The following MACROD1 variants were observed in gnomAD, a reference collection of about 807,000 sequenced individuals.
The protein encoded by MACROD1 is ADP-ribose glycohydrolase MACROD1.
MACROD1 carries 31 observed loss-of-function variants against 41.4 expected under a neutral mutation model. That is an observed-to-expected ratio of 0.75 (90% CI 0.56 to 1.01). The LOEUF (loss-of-function observed/expected upper bound fraction) is 1.01. Among genes scored for constraint, MACROD1 ranks in the 50% least tolerant of loss-of-function variants. The probability of loss-of-function intolerance (pLI) is 0.00; values close to 1 mark genes in which losing one functional copy is unlikely to be tolerated. For missense variants in MACROD1, 473 were observed against 460.0 expected (o/e 1.03, Z -0.26); for synonymous variants, 252 against 203.4 (o/e 1.24, Z -2.03).
intron 3 of MACROD1, chr11:64,117,187 C>T (rs1945002430): frequency 6.2e-7 from 1 of 1,614,084 alleles, no homozygotes; most frequent in Admixed American, 1.7e-5. Context: ...AACAACCTGA[C>T]CACGCTGCCC....
At chr11:64,015,523 G>A (rs1308192507) in intron 3 of MACROD1, among the ~76,000 whole-genome samples, 1 of 152,138 alleles carries the variant, frequency 6.6e-6, no homozygotes, top group African/African-American at 2.4e-5. Context: ...ATCAGGGCCT[G>A]CCTGCTCACC....
At chr11:64,138,676 A>G (rs1945366107) in intron 3 of MACROD1, 1 of 423,704 alleles carries the variant, frequency 2.4e-6, no homozygotes, top group Non-Finnish European at 3.2e-6. Flanking sequence ...CAATGTCCGA[A>G]GACAGGGAGG....
intron 3 of MACROD1, chr11:64,138,666 C>T: frequency 2.0e-6 from 1 of 504,120 alleles, no homozygotes. Context: ...ACCGCAATTA[C>T]AATGTCCGAA....
chr11:64,121,807 A>G (rs1945102708), intron 3 of MACROD1, among the ~76,000 whole-genome samples: 1 of 152,212 alleles, frequency 6.6e-6, no homozygotes. Flanking sequence ...CAGCGGCCCC[A>G]GCACTGATGA....
intron 3 of MACROD1, among the ~76,000 whole-genome samples, chr11:64,080,076 C>T (rs74727861): frequency 0.015 from 2,295 of 152,232 alleles, 48 homozygotes; most frequent in African/African-American, 0.051. Flanking sequence ...GCAATGGCAC[C>T]ATCCCTGTTC....
intron 3 of MACROD1, among the ~76,000 whole-genome samples, chr11:64,039,781 T>G (rs961519596): frequency 6.6e-6 from 1 of 152,106 alleles, no homozygotes; most frequent in Non-Finnish European, 1.5e-5. Flanking sequence ...GATGTCAGGG[T>G]TTGGGGGCCT....
At chr11:64,151,619 G>C (rs909541606) in intron 2 of MACROD1, among the ~76,000 whole-genome samples, 2 of 152,176 alleles carry the variant, frequency 1.3e-5, no homozygotes, top group African/African-American at 2.4e-5. Flanking sequence ...ATTTCACAGA[G>C]GTAGAAACTG....
At chr11:64,041,591 A>T (rs139699193) in intron 3 of MACROD1, among the ~76,000 whole-genome samples, 5 of 151,162 alleles carry the variant, frequency 3.3e-5, no homozygotes. Flanking sequence ...GAACAGATGA[A>T]TGAATGGAAA....
At chr11:64,159,773 A>G (rs1945726413) in intron 1 of MACROD1, among the ~76,000 whole-genome samples, 2 of 152,312 alleles carry the variant, frequency 1.3e-5, no homozygotes, top group Admixed American at 6.5e-5. Flanking sequence ...CAGCCTGGGC[A>G]ACAAGAGCGA....
intron 3 of MACROD1, among the ~76,000 whole-genome samples, chr11:64,072,328 G>C (rs1214830971): frequency 6.6e-6 from 1 of 152,186 alleles, no homozygotes; most frequent in African/African-American, 2.4e-5. Context: ...GCACCAGGGC[G>C]AGCCTTTGGG....
chr11:64,118,211 G>A (rs1369476273), intron 3 of MACROD1: 3 of 1,613,312 alleles, frequency 1.9e-6, no homozygotes, highest in Admixed American at 3.3e-5. Context: ...GCCTCTGCAA[G>A]GCCACACACA....
intron 3 of MACROD1, among the ~76,000 whole-genome samples, chr11:64,110,313 GGTGGTGCAGCAT>G (rs1037595151): frequency 3.3e-5 from 5 of 152,182 alleles, no homozygotes; most frequent in Admixed American, 3.3e-4. Flanking sequence ...AGCTGGGTGT[GGTGGTGCAGCAT>G]GTGGTCCCAG....
intron 3 of MACROD1, among the ~76,000 whole-genome samples, chr11:64,110,086 G>C (rs1373839778): frequency 1.3e-5 from 2 of 152,066 alleles, no homozygotes; most frequent in Non-Finnish European, 2.9e-5. Context: ...CCATGTAAGG[G>C]CCCCTATTAT....
intron 3 of MACROD1, among the ~76,000 whole-genome samples, chr11:64,042,769 C>T (rs1021883047): frequency 2.0e-5 from 3 of 152,160 alleles, no homozygotes; most frequent in Non-Finnish European, 4.4e-5. Context: ...CCACTAGGTC[C>T]CTAGTAGCTG....
intron 3 of MACROD1, among the ~76,000 whole-genome samples, chr11:64,086,413 C>T (rs1246265825): frequency 6.6e-6 from 1 of 152,024 alleles, no homozygotes; most frequent in Non-Finnish European, 1.5e-5. Flanking sequence ...AACATTCCCT[C>T]CCCACCCCCA....
At chr11:64,076,200 C>CCCCT (rs993892014) in intron 3 of MACROD1, among the ~76,000 whole-genome samples, 7 of 152,220 alleles carry the variant, frequency 4.6e-5, no homozygotes, top group Non-Finnish European at 1.5e-5. Context: ...TGTGCTCCTG[C>CCCCT]CCCTCCATCT....
chr11:64,088,427 T>A (rs2134514010), intron 3 of MACROD1, among the ~76,000 whole-genome samples: 1 of 152,258 alleles, frequency 6.6e-6, no homozygotes, highest in Non-Finnish European at 1.5e-5. Flanking sequence ...GCATCCTCCC[T>A]GTGAGCCCTG....
intron 3 of MACROD1, chr11:64,119,062 T>C (rs1396862999): frequency 6.0e-6 from 1 of 167,300 alleles, no homozygotes; most frequent in East Asian, 1.9e-4. Context: ...TGTCTATCCC[T>C]GTCGCGGTGT....
chr11:64,015,904 A>C (rs1049721333), intron 3 of MACROD1, among the ~76,000 whole-genome samples: 1 of 152,164 alleles, frequency 6.6e-6, no homozygotes, highest in Non-Finnish European at 1.5e-5. Context: ...ACTGGAGCCA[A>C]AACCAGATCA....
Sources: gnomAD v4.1 joint callset for allele counts (sites outside exome capture counted in the v4.1 genomes callset) on GRCh38, gnomAD v4.1.1 for gene constraint, MANE v1.5 for transcripts, NCBI Gene and HGNC (gene_info 2026-07-23, HGNC 2026-07-21) for gene names.